FRMD3: variants seen among roughly 807,000 people sequenced by gnomAD.
FRMD3 encodes the protein FERM domain containing 3, also known as FERM domain-containing protein 3.
In FRMD3, 33 loss-of-function variants were observed where a neutral mutation model predicts 70.2. That is an observed-to-expected ratio of 0.47 (90% confidence interval 0.36 to 0.63). FRMD3 has a LOEUF of 0.63. Ranked by LOEUF, FRMD3 falls within the 20% of genes least tolerant of loss-of-function variation. The pLI is 0.00. For synonymous variants in FRMD3, 279 were observed against 255.9 expected (o/e 1.09, Z -0.86); for missense variants, 632 against 711.4 (o/e 0.89, Z 1.27).
chr9:83,508,809 G>A (rs1829265109), intron 1 of FRMD3, among the ~76,000 whole-genome samples: 1 of 152,174 alleles, frequency 6.6e-6, no homozygotes, highest in Non-Finnish European at 1.5e-5. Flanking sequence ...GGCCACACTT[G>A]TTCCTTTGTG....
chr9:83,511,870 C>G (rs1423775203), intron 1 of FRMD3, among the ~76,000 whole-genome samples: 2 of 152,196 alleles, frequency 1.3e-5, no homozygotes, highest in Non-Finnish European at 2.9e-5. Flanking sequence ...CTAGTCTGCT[C>G]CCGACTGTCC....
chr9:83,434,214 C>T (rs1401560329), intron 1 of FRMD3, among the ~76,000 whole-genome samples: 1 of 152,232 alleles, frequency 6.6e-6, no homozygotes, highest in Non-Finnish European at 1.5e-5. Context: ...ACTGGACTCT[C>T]AGTCCTCTGA....
chr9:83,349,351 G>C (rs534247945), intron 4 of FRMD3, among the ~76,000 whole-genome samples: 1 of 152,148 alleles, frequency 6.6e-6, no homozygotes, highest in African/African-American at 2.4e-5. Context: ...ACTAGGGACT[G>C]TACTGGGTAT....
chr9:83,347,124 T>G (rs1012583862), intron 4 of FRMD3, among the ~76,000 whole-genome samples: 1 of 152,200 alleles, frequency 6.6e-6, no homozygotes, highest in African/African-American at 2.4e-5. Flanking sequence ...TGAGTTGTAA[T>G]CCCATAACTC....
chr9:83,467,578 C>T (rs1286042953), intron 1 of FRMD3: 5 of 1,206,358 alleles, frequency 4.1e-6, no homozygotes, highest in South Asian at 1.3e-5. Flanking sequence ...TAAATAAAAG[C>T]GTACCTGAGT....
chr9:83,578,010 A>G, the FRMD3 span, among the ~76,000 whole-genome samples: 1 of 152,084 alleles, frequency 6.6e-6, no homozygotes, highest in Admixed American at 6.5e-5. Flanking sequence ...CAGATAGCAA[A>G]GAAATGCAAA....
intron 1 of FRMD3, among the ~76,000 whole-genome samples, chr9:83,477,377 C>A (rs1293980560): frequency 6.6e-6 from 1 of 152,040 alleles, no homozygotes; most frequent in East Asian, 1.9e-4. Context: ...ACTGTCTGCC[C>A]CTAAATCAGA....
At chr9:83,274,023 G>A (rs1833709859) in intron 13 of FRMD3, among the ~76,000 whole-genome samples, 1 of 152,006 alleles carries the variant, frequency 6.6e-6, no homozygotes, top group African/African-American at 2.4e-5. Context: ...ATCTCACTAG[G>A]TTTCTCAGGC....
chr9:83,426,365 G>C (rs1273740583), intron 1 of FRMD3, among the ~76,000 whole-genome samples: 1 of 152,232 alleles, frequency 6.6e-6, no homozygotes, highest in Non-Finnish European at 1.5e-5. Context: ...CAAATGTAAA[G>C]ATAACCGAGG....
intron 11 of FRMD3, 41 bp from the exon 12 acceptor site, chr9:83,298,857 G>A: frequency 6.4e-7 from 1 of 1,568,440 alleles, no homozygotes; most frequent in African/African-American, 1.4e-5. Flanking sequence ...CACATAGTCA[G>A]AGAAGAATGG....
At chr9:83,333,758 C>A (rs1234499166) in intron 6 of FRMD3, among the ~76,000 whole-genome samples, 1 of 152,178 alleles carries the variant, frequency 6.6e-6, no homozygotes, top group African/African-American at 2.4e-5. Context: ...AAACGCTCAA[C>A]AAAGGGAGAA....
chr9:83,390,421 T>C (rs1162440082), intron 1 of FRMD3, among the ~76,000 whole-genome samples: 2 of 152,146 alleles, frequency 1.3e-5, no homozygotes, highest in African/African-American at 2.4e-5. Context: ...GCTTCCTTGG[T>C]CCTCAGAGCC....
intron 13 of FRMD3, among the ~76,000 whole-genome samples, chr9:83,282,123 A>G (rs1207390638): frequency 6.6e-6 from 1 of 152,230 alleles, no homozygotes; most frequent in African/African-American, 2.4e-5. Context: ...CCAGCTTTCC[A>G]GAATACTTAC....
intron 3 of FRMD3, among the ~76,000 whole-genome samples, chr9:83,366,234 T>C (rs938672376): frequency 7.9e-5 from 12 of 152,146 alleles, no homozygotes; most frequent in African/African-American, 2.2e-4. Context: ...ATTTAAATTA[T>C]GTATTGACTG....
At chr9:83,552,711 C>G in the FRMD3 span, among the ~76,000 whole-genome samples, 4 of 152,062 alleles carry the variant, frequency 2.6e-5, no homozygotes, top group African/African-American at 9.7e-5. Context: ...TTGTATTGAA[C>G]CTTTTGCCAT....
chr9:83,402,198 C>T (rs1472337061), intron 1 of FRMD3, among the ~76,000 whole-genome samples: 1 of 150,268 alleles, frequency 6.7e-6, no homozygotes, highest in Non-Finnish European at 1.5e-5. Flanking sequence ...CATTCACACC[C>T]AGAGAGCAAA....
intron 8 of FRMD3, among the ~76,000 whole-genome samples, chr9:83,311,299 A>C (rs1004353509): frequency 8.6e-5 from 13 of 152,036 alleles, no homozygotes; most frequent in Non-Finnish European, 1.8e-4. Context: ...AAAAAAAAAA[A>C]AAAAACAGAG....
chr9:83,527,400 ATTTC>A (rs963660693), intron 1 of FRMD3, among the ~76,000 whole-genome samples: 19 of 152,284 alleles, frequency 1.2e-4, no homozygotes, highest in South Asian at 4.1e-4. Context: ...ACCAGGATGG[ATTTC>A]TTTATTTATT....
At chr9:83,384,330 C>T (rs1825449713) in intron 2 of FRMD3, among the ~76,000 whole-genome samples, 1 of 152,100 alleles carries the variant, frequency 6.6e-6, no homozygotes, top group African/African-American at 2.4e-5. Context: ...AAGTAATTAT[C>T]CCGAGAAGCA....
Sources: gnomAD v4.1 joint callset for allele counts (sites outside exome capture counted in the v4.1 genomes callset) on GRCh38, gnomAD v4.1.1 for gene constraint, MANE v1.5 for transcripts, NCBI Gene and HGNC (gene_info 2026-07-23, HGNC 2026-07-21) for gene names.